The following NECTIN1 variants were observed in gnomAD, a reference collection of about 807,000 sequenced individuals.
The protein encoded by NECTIN1 is nectin cell adhesion molecule 1, also known as nectin-1.
In NECTIN1, 23 loss-of-function variants were observed where a neutral mutation model predicts 48.0. The observed-to-expected ratio is 0.48, with a 90% CI of 0.34 to 0.68. NECTIN1 has a LOEUF of 0.68. Among genes scored for constraint, NECTIN1 ranks in the 30% least tolerant of loss-of-function variants. The probability of loss-of-function intolerance (pLI) is 0.01; values close to 1 mark genes in which losing one functional copy is unlikely to be tolerated. For synonymous variants in NECTIN1, 270 were observed against 288.9 expected, an observed-to-expected ratio of 0.93 and a Z score of 0.66; for missense variants, 591 against 709.9, an observed-to-expected ratio of 0.83 and a Z score of 1.90.
At chr11:119,669,471 C>T (rs1217773492) in intron 5 of NECTIN1, among the ~76,000 whole-genome samples, 1 of 152,086 alleles carries the variant, frequency 6.6e-6, no homozygotes, top group East Asian at 1.9e-4. Flanking sequence ...ATCACTACCA[C>T]CCTGATCCAA....
At chr11:119,711,872 C>T (rs750701198) in intron 1 of NECTIN1, among the ~76,000 whole-genome samples, 13 of 152,198 alleles carry the variant, frequency 8.5e-5, no homozygotes, top group South Asian at 2.1e-4. Context: ...AGGGAATATT[C>T]GGCAATGTCT....
intron 1 of NECTIN1, among the ~76,000 whole-genome samples, chr11:119,726,161 C>A (rs1372956016): frequency 6.6e-6 from 1 of 152,214 alleles, no homozygotes; most frequent in Non-Finnish European, 1.5e-5. Flanking sequence ...CCCAGGTTCC[C>A]TGTCACAGCC....
At position 119,664,289 on chromosome 11, in the gene NECTIN1, G is replaced by A. The variant is rs1013700590; in HGVS notation, c.*458C>T. 1 of 998,776 alleles carries A rather than the reference G, an allele frequency of 1.0e-6. No homozygotes were observed. 61.9% of individuals were successfully genotyped at this position (998,776 alleles called of 1,614,324 possible). A position where few individuals can be genotyped will look rare whatever the true frequency, so the allele number is the denominator to read the frequency against. On this transcript the variant is annotated 3_prime_UTR_variant, in exon 6 of 6. Coordinates refer to ENST00000264025, the MANE Select transcript of NECTIN1 (RefSeq NM_002855.5). Reference sequence around the variant, plus strand: ...GTGGGTGTTGGGTTCCCTCTAGCCGGGAGGAGGAGCAGCATCTGGGGGTGT... The same window carrying A: ...GTGGGTGTTGGGTTCCCTCTAGCCGAGAGGAGGAGCAGCATCTGGGGGTGT...
In NECTIN1 at chr11:119,665,524, G is replaced by A. The variant is rs999051356; in HGVS notation, c.1004-227C>T. Among the ~76,000 whole-genome samples, 2 of 152,094 alleles carry A rather than the reference G, an allele frequency of 1.3e-5. No individual in the cohort carries two copies. The highest frequency in any genetic ancestry group is 2.4e-5 in the African/African-American group (1 of 41,400). On this transcript the variant is annotated intron_variant, in intron 5 of 5. Coordinates refer to ENST00000264025, the MANE Select transcript of NECTIN1 (RefSeq NM_002855.5). The surrounding 1 kb of genome is among the most constrained non-coding windows in gnomAD (Gnocchi z 5.1). ...GAGACAGGCAAGAGGAGAGGCAGAG[G>A]GCAGTACCCACAGCACCAGGGTCTT...
At chr11:119,718,781 T>C (rs1865783290) in intron 1 of NECTIN1, among the ~76,000 whole-genome samples, 1 of 152,166 alleles carries the variant, frequency 6.6e-6, no homozygotes, top group Admixed American at 6.5e-5. Flanking sequence ...GCCACATGAA[T>C]ACTCCCAAGA....
chr11:119,726,062 C>T (rs12418662), intron 1 of NECTIN1, among the ~76,000 whole-genome samples: 77,475 of 152,008 alleles, frequency 0.51, 20,728 homozygotes, highest in Middle Eastern at 0.68. Context: ...TGTGTTTACA[C>T]TTCAATAGCC....
In NECTIN1 at chr11:119,703,305, G is replaced by A. The variant is rs77079406; in HGVS notation, c.80-24540C>T. ...CCACTCTGTGTCCCACGTGCTGGAG[G>A]CCCAAGTAGTCAGGAAGGGCCTTCA... On this transcript the variant is annotated intron_variant, in intron 1 of 5. Transcript: ENST00000264025. 5.4e-3 allele frequency among the ~76,000 whole-genome samples: 822 copies of A among 152,346 alleles called. 6 individuals carry two copies. Among genetic ancestry groups the A allele is most frequent in the African/African-American group, 0.019 (789 of 41,582 alleles).
intron 6 of NECTIN1, chr11:119,638,832 A>C: frequency 1.3e-6 from 2 of 1,589,392 alleles, no homozygotes; most frequent in Non-Finnish European, 8.6e-7. Context: ...GGGTAAGCTC[A>C]GCACAGGAGC....
chr11:119,711,689 G>A (rs753678901), intron 1 of NECTIN1, among the ~76,000 whole-genome samples: 6 of 152,220 alleles, frequency 3.9e-5, no homozygotes, highest in Non-Finnish European at 5.9e-5. Context: ...AGCCAAGGCC[G>A]AGGAGTGCAC....
At chr11:119,679,295 A>G (rs766943778) in intron 1 of NECTIN1, among the ~76,000 whole-genome samples, 1 of 152,172 alleles carries the variant, frequency 6.6e-6, no homozygotes, top group Non-Finnish European at 1.5e-5. Flanking sequence ...GGGGAAACAA[A>G]TGGCGTGATG....
intron 1 of NECTIN1, among the ~76,000 whole-genome samples, chr11:119,704,133 C>A (rs1306589360): frequency 3.3e-5 from 5 of 152,186 alleles, no homozygotes. Context: ...ACCCCTCACG[C>A]CCCACCATCA....
chr11:119,721,109 C>G (rs1243773061), intron 1 of NECTIN1, among the ~76,000 whole-genome samples: 1 of 152,200 alleles, frequency 6.6e-6, no homozygotes, highest in Non-Finnish European at 1.5e-5. Context: ...AGAGCACATC[C>G]AGATGTACTG....
chr11:119,652,965 C>T (rs974943680), intron 5 of NECTIN1, among the ~76,000 whole-genome samples: 1 of 152,196 alleles, frequency 6.6e-6, no homozygotes, highest in Non-Finnish European at 1.5e-5. Context: ...GGACAACAGA[C>T]CTCATGGGTG....
At chr11:119,728,314 C>G (rs1865951037) in intron 1 of NECTIN1, among the ~76,000 whole-genome samples, 161 bp downstream of exon 1, 1 of 152,256 alleles carries the variant, frequency 6.6e-6, no homozygotes, top group Non-Finnish European at 1.5e-5. Flanking sequence ...GCTTCTCAAC[C>G]TCTTTCTCCG....
chr11:119,680,226 G>A (rs369629293), intron 1 of NECTIN1, among the ~76,000 whole-genome samples: 11 of 151,968 alleles, frequency 7.2e-5, no homozygotes, highest in Non-Finnish European at 1.5e-4. Flanking sequence ...CTCCCTTAAC[G>A]TGGGGCGGTT....
In NECTIN1 at chr11:119,648,295, G is replaced by GTGGTGGTGATGGTGATGGTGA. The variant is rs1565376498; in HGVS notation, c.1004-8284_1004-8283insTCACCATCACCATCACCACCA. On this transcript the variant is annotated intron_variant, in intron 5 of 7. Coordinates refer to the NECTIN1 transcript ENST00000341398. ...GGTGGTGATGGTGGTGGTGATGGTG[G>GTGGTGGTGATGGTGATGGTGA]TGGTGGTGGTGATGGTGGTGATGGT... 4.1e-4 allele frequency among the ~76,000 whole-genome samples: 4 copies of GTGGTGGTGATGGTGATGGTGA among 9,654 alleles called. 1 individual carries two copies. Among genetic ancestry groups the GTGGTGGTGATGGTGATGGTGA allele is most frequent in the Non-Finnish European group, 8.2e-4 (4 of 4,904 alleles). The allele number at this position is 9,654 out of a possible 152,430, so 6.3% of individuals were successfully genotyped here.
intron 4 of NECTIN1, chr11:119,676,698 G>C: frequency 3.3e-6 from 1 of 302,422 alleles, no homozygotes; most frequent in Non-Finnish European, 6.5e-6. Flanking sequence ...CAGAGAGAAG[G>C]AATAGGGACA....
Position 119,664,672 on chromosome 11 carries a change from G to GGTGGGGGGTGGGCAGGGGGC in NECTIN1, c.*55_*74dup. 6.7e-7 allele frequency: 1 copy of GGTGGGGGGTGGGCAGGGGGC among 1,483,372 alleles called. No homozygotes were observed. 91.9% of individuals were successfully genotyped at this position (1,483,372 alleles called of 1,614,324 possible). ...TCTCTGTTCAGCTCCTGGAGTGGGA[G>GGTGGGGGGTGGGCAGGGGGC]GTGGGGGGTGGGCAGGGGGCGTGCG... is the stretch of plus-strand genomic sequence containing the variant. On this transcript the variant is annotated 3_prime_UTR_variant, in exon 6 of 6. Transcript: ENST00000264025.
rs1375717805 is a variant in NECTIN1, at chr11:119,683,383, T to C, written c.80-4618A>G. 6.6e-6 allele frequency among the ~76,000 whole-genome samples: 1 copy of C among 152,132 alleles called. No individual in the cohort carries two copies. Among genetic ancestry groups the C allele is most frequent in the Non-Finnish European group, 1.5e-5 (1 of 68,006 alleles). On this transcript the variant is annotated intron_variant, in intron 1 of 5. Coordinates refer to ENST00000264025, the MANE Select transcript of NECTIN1 (RefSeq NM_002855.5). This position sits in a 1 kb window ranked among gnomAD's most constrained non-coding sequence, Gnocchi z 4.0. ...CCCACCCTGCCACAAAAACAGACTC[T>C]GGCTCAACCTAACTCCCTGGGGCCT...
Sources: allele counts gnomAD v4.1 joint callset (sites outside exome capture counted in the v4.1 genomes callset), GRCh38; gene constraint gnomAD v4.1.1; non-coding constraint Gnocchi (gnomAD v3.1); transcripts MANE v1.5; gene names NCBI Gene and HGNC (gene_info 2026-07-23, HGNC 2026-07-21).